Variants in ABL1 observed in about 807,000 individuals in gnomAD.
ABL1 encodes tyrosine-protein kinase ABL1.
Under a neutral mutation model 94.7 loss-of-function variants are expected in ABL1, and 11 were observed. That is an observed-to-expected ratio of 0.12 (90% confidence interval 0.07 to 0.19). The LOEUF (loss-of-function observed/expected upper bound fraction) is 0.19, where lower values mean the gene tolerates loss of function less well. Among genes scored for constraint, ABL1 ranks in the 10% least tolerant of loss-of-function variants. The pLI is 1.00. For synonymous variants in ABL1, 656 were observed against 622.4 expected (o/e 1.05, Z -0.80); for missense variants, 1,082 against 1,489.4 (o/e 0.73, Z 4.50).
At position 130,863,660 on chromosome 9, in the gene ABL1, G is replaced by T. The variant is rs1036038628; in HGVS notation, c.822+625G>T. Among the ~76,000 whole-genome samples the T allele has an allele frequency of 1.3e-5, 2 of 152,188 alleles. No individual in the cohort carries two copies. The highest frequency in any genetic ancestry group is 4.8e-5 in the African/African-American group (2 of 41,446). On this transcript the variant is annotated intron_variant, in intron 4 of 10. Transcript: ENST00000318560. This position sits in a 1 kb window ranked among gnomAD's most constrained non-coding sequence, Gnocchi z 4.3. ...TCTCCACTAATGAATAGTGTTTGTAGTTTCCAGGCAGGTTTTTTTCTTCTT... is the reference window on the plus strand; with the variant it reads ...TCTCCACTAATGAATAGTGTTTGTATTTTCCAGGCAGGTTTTTTTCTTCTT...
In ABL1 at chr9:130,759,421, G is replaced by A. The variant is rs757372373; in HGVS notation, c.136+44966G>A. On this transcript the variant is annotated intron_variant, in intron 1 of 10. Transcript: ENST00000372348. ...TGGCCAAATGCGTTGTTGATGTTGCGAGTTGTCTCCAGTGCTTTACAATCC... is the reference window on the plus strand; with the variant it reads ...TGGCCAAATGCGTTGTTGATGTTGCAAGTTGTCTCCAGTGCTTTACAATCC... Among the ~76,000 whole-genome samples, 7 of 152,298 alleles carry A rather than the reference G, an allele frequency of 4.6e-5. No homozygotes were observed. The East Asian group carries it at 1.3e-3, about 29-fold the overall frequency.
At chr9:130,869,347 G>A (rs1165324861) in intron 4 of ABL1, among the ~76,000 whole-genome samples, 1 of 152,244 alleles carries the variant, frequency 6.6e-6, no homozygotes, top group Non-Finnish European at 1.5e-5. Context: ...CGCTGAGTGA[G>A]TGCTGGCCTC....
intron 1 of ABL1, among the ~76,000 whole-genome samples, chr9:130,775,970 C>G (rs909220754): frequency 6.6e-6 from 1 of 152,064 alleles, no homozygotes; most frequent in Non-Finnish European, 1.5e-5. Flanking sequence ...TTAAACTTAG[C>G]TAAAATATAA....
Position 130,728,230 on chromosome 9 carries a change from A to ATTTTTTTTTTT in ABL1, c.136+13783_136+13793dup, listed in dbSNP as rs55915035. ...GGGCATGCGCCACCATGTCCAGCTG[A>ATTTTTTTTTTT]TTTTTTTTTTTTTTTTTTGTGGAGA... is the stretch of plus-strand genomic sequence containing the variant. On this transcript the variant is annotated intron_variant, in intron 1 of 10. Coordinates refer to the ABL1 transcript ENST00000372348. 4.5e-3 allele frequency among the ~76,000 whole-genome samples: 457 copies of ATTTTTTTTTTT among 102,512 alleles called. 48 individuals carry two copies. Among genetic ancestry groups the ATTTTTTTTTTT allele is most frequent in the African/African-American group, 0.019 (368 of 19,002 alleles). 67.3% of individuals were successfully genotyped at this position (102,512 alleles called of 152,430 possible). A position where few individuals can be genotyped will look rare whatever the true frequency, so the allele number is the denominator to read the frequency against.
intron 1 of ABL1, among the ~76,000 whole-genome samples, chr9:130,793,030 A>C (rs1829929288): frequency 6.6e-6 from 1 of 152,114 alleles, no homozygotes; most frequent in African/African-American, 2.4e-5. Flanking sequence ...GGTTCCAGCA[A>C]TTCTATTGCC....
intron 1 of ABL1, among the ~76,000 whole-genome samples, chr9:130,745,312 G>A (rs1299703302): frequency 6.6e-6 from 1 of 151,998 alleles, no homozygotes; most frequent in South Asian, 2.1e-4. Context: ...TTGAACTCCC[G>A]ACCTCAGGTG....
intron 1 of ABL1, among the ~76,000 whole-genome samples, chr9:130,765,267 A>T (rs7872882): frequency 0.52 from 78,689 of 151,864 alleles, 20,720 homozygotes; most frequent in African/African-American, 0.62. Context: ...CAGAGGTACA[A>T]GGGGAGGCTT....
chr9:130,821,840 A>ATTTTT (rs71389365), intron 1 of ABL1, among the ~76,000 whole-genome samples: 2 of 109,964 alleles, frequency 1.8e-5, no homozygotes, highest in African/African-American at 6.6e-5. Flanking sequence ...TATTATTATT[A>ATTTTT]TTTTTTTTTT....
At chr9:130,819,571 C>T (rs1830332991) in intron 1 of ABL1, among the ~76,000 whole-genome samples, 1 of 121,750 alleles carries the variant, frequency 8.2e-6, no homozygotes, top group Non-Finnish European at 1.6e-5. Flanking sequence ...CGGAGCCTCA[C>T]TTTGTCACCC....
intron 1 of ABL1, among the ~76,000 whole-genome samples, chr9:130,853,064 G>A (rs1471377862): frequency 6.6e-6 from 1 of 152,110 alleles, no homozygotes; most frequent in East Asian, 1.9e-4. Flanking sequence ...TACTTAGAGA[G>A]GTGGGGGTGA....
chr9:130,762,905 G>A (rs559777093), intron 1 of ABL1, among the ~76,000 whole-genome samples: 11 of 125,072 alleles, frequency 8.8e-5, no homozygotes, highest in African/African-American at 1.8e-4. Context: ...GCGAGACTCC[G>A]TCTCAAAAAA....
exon 1 of ABL1, chr9:130,713,928 A>G (rs925401405): frequency 4.2e-6 from 1 of 235,304 alleles, no homozygotes; most frequent in African/African-American, 2.2e-5. Flanking sequence ...GCCAAAGACC[A>G]TCAGCGTTTC....
At chr9:130,728,230 ATTT>A (rs55915035) in intron 1 of ABL1, among the ~76,000 whole-genome samples, 4 of 102,626 alleles carry the variant, frequency 3.9e-5, no homozygotes, top group Admixed American at 1.1e-4. Context: ...TGTCCAGCTG[ATTT>A]TTTTTTTTTT....
chr9:130,854,375 T>G (rs1192852896), intron 2 of ABL1, 138 bp downstream of exon 2: 4 of 993,982 alleles, frequency 4.0e-6, no homozygotes, highest in East Asian at 5.0e-5. Context: ...AACAACTGCA[T>G]GTTTCTAAGG....
In ABL1 at chr9:130,805,821, C is replaced by A. The variant is rs537845597; in HGVS notation, c.137-48243C>A. Among the ~76,000 whole-genome samples, 5 of 152,264 alleles carry A rather than the reference C, an allele frequency of 3.3e-5. No individual in the cohort carries two copies. In the East Asian group the frequency reaches 9.6e-4, roughly 29 times the overall value. The stretch of plus-strand genomic sequence containing the variant: ...TTAAGTAGGGGGATGAAGGGGGAAG[C>A]CCTTCAGTTAAACAAAGTTACTGAC... On this transcript the variant is annotated intron_variant, in intron 1 of 10. Transcript: ENST00000372348.
At chr9:130,721,087 C>T (rs1479604688) in intron 1 of ABL1, among the ~76,000 whole-genome samples, 1 of 151,790 alleles carries the variant, frequency 6.6e-6, no homozygotes, top group Non-Finnish European at 1.5e-5. Context: ...CTTGATAAAT[C>T]AACACTGTAG....
At chr9:130,753,610 G>A (rs551407112) in intron 1 of ABL1, among the ~76,000 whole-genome samples, 2 of 150,948 alleles carry the variant, frequency 1.3e-5, no homozygotes, top group East Asian at 4.1e-4. Context: ...ATTTTTAGTA[G>A]AGACGGGTTT....
In ABL1 at chr9:130,885,290, C is replaced by G. The variant is rs1056169; in HGVS notation, c.3000C>G (p.Thr1000=). The G allele has an allele frequency of 6.2e-7, 1 of 1,613,710 alleles. No individual in the cohort carries two copies. The highest frequency in any genetic ancestry group is 1.7e-5 in the Admixed American group (1 of 60,012). Residue 1000 remains threonine (T), a synonymous_variant, in exon 11 of 11, where the codon ACC becomes ACG. Coordinates refer to ENST00000318560, the MANE Select transcript of ABL1 (RefSeq NM_005157.6). The part of the protein sequence containing the change: ...SALAGDQPSS[T]AFIPLISTRV... ...TGGCAGGGGACCAGCCGTCTTCCAC[C>G]GCCTTCATCCCTCTCATATCAACCC...
chr9:130,786,122 A>T (rs1829822413), intron 1 of ABL1, among the ~76,000 whole-genome samples: 1 of 152,070 alleles, frequency 6.6e-6, no homozygotes, highest in Admixed American at 6.6e-5. Context: ...GGCAGAAAGG[A>T]GCTGGGGGAA....
Sources: allele counts gnomAD v4.1 joint callset (sites outside exome capture counted in the v4.1 genomes callset), GRCh38; gene constraint gnomAD v4.1.1; non-coding constraint Gnocchi (gnomAD v3.1); transcripts MANE v1.5; gene names NCBI Gene and HGNC (gene_info 2026-07-23, HGNC 2026-07-21).